The following CSMD3 variants were observed in gnomAD, a reference collection of about 807,000 sequenced individuals.
CSMD3 encodes the protein CUB and Sushi multiple domains 3.
A neutral mutation model predicts 435.2 loss-of-function variants in CSMD3; 177 were observed. That is an observed-to-expected ratio of 0.41 (90% CI 0.36 to 0.46). The LOEUF (loss-of-function observed/expected upper bound fraction) is 0.46, where lower values mean the gene tolerates loss of function less well. Among genes scored for constraint, CSMD3 ranks in the 20% least tolerant of loss-of-function variants. The probability of loss-of-function intolerance (pLI) is 0.34; values close to 1 mark genes in which losing one functional copy is unlikely to be tolerated. For synonymous variants in CSMD3, 1,656 were observed against 1,520.5 expected (o/e 1.09, Z -2.07); for missense variants, 4,265 against 4,504.6 (o/e 0.95, Z 1.52).
chr8:113,433,813 C>A (rs967361239), intron 1 of CSMD3, among the ~76,000 whole-genome samples: 7 of 152,104 alleles, frequency 4.6e-5, no homozygotes, highest in Non-Finnish European at 1.0e-4. Context: ...CTGGGTGAGA[C>A]CTAAACAGAC....
chr8:113,372,112 T>C (rs2094349153), intron 1 of CSMD3, among the ~76,000 whole-genome samples: 1 of 152,178 alleles, frequency 6.6e-6, no homozygotes, highest in Non-Finnish European at 1.5e-5. Context: ...CAAGGCCAGG[T>C]GCAATTTTTA....
chr8:112,604,712 T>C (rs1254163679), intron 22 of CSMD3, among the ~76,000 whole-genome samples: 1 of 152,064 alleles, frequency 6.6e-6, no homozygotes, highest in African/African-American at 2.4e-5. Flanking sequence ...GACATGCCAA[T>C]ACCTAGCTCC....
intron 22 of CSMD3, among the ~76,000 whole-genome samples, chr8:112,589,560 A>G (rs960578453): frequency 3.3e-5 from 5 of 152,214 alleles, no homozygotes; most frequent in African/African-American, 1.2e-4. Context: ...CCCAGCAAAA[A>G]TATCATAACT....
intron 7 of CSMD3, among the ~76,000 whole-genome samples, chr8:112,967,647 C>T (rs1011269271): frequency 9.9e-5 from 15 of 151,830 alleles, no homozygotes; most frequent in South Asian, 6.2e-4. Context: ...ATCCATCTAT[C>T]ATATAGCCTA....
intron 27 of CSMD3, chr8:112,539,349 C>A (rs1303711283): frequency 1.3e-5 from 2 of 151,964 alleles, no homozygotes; most frequent in Non-Finnish European, 2.9e-5. Flanking sequence ...GTAAAACTTG[C>A]CAGAGTTCAT....
rs1347242565 is a variant in CSMD3 at position 112,335,355 on chromosome 8, C to T, written c.7139G>A (p.Ser2380Asn). 3 of 1,613,946 alleles carry T rather than the reference C, an allele frequency of 1.9e-6. No homozygotes were observed. The highest frequency in any genetic ancestry group is 2.5e-6 in the Non-Finnish European group (3 of 1,179,934). The change falls in exon 45 of 71, where the codon AGT (serine) becomes AAT (asparagine). Residue 2380 changes from serine (S) to asparagine (N), a missense_variant. This residue lies in a region of CSMD3 where 3,255 missense variants were observed against 3,380.2 expected (regional missense o/e 0.96). Coordinates refer to ENST00000297405, the MANE Select transcript of CSMD3 (RefSeq NM_198123.2). ...GTGATAACTGAGCACAAAAAAGCCACTTGTTGTGAAATCACTGTGGAATTT... is the reference window on the plus strand; with the variant it reads ...GTGATAACTGAGCACAAAAAAGCCATTTGTTGTGAAATCACTGTGGAATTT... ...LIKFHSDFTT[S>N]GFFVLSYHAY...
At chr8:112,662,199 G>A (rs2075398425) in intron 17 of CSMD3, among the ~76,000 whole-genome samples, 1 of 152,132 alleles carries the variant, frequency 6.6e-6, no homozygotes, top group Non-Finnish European at 1.5e-5. Context: ...AACCAAAAAA[G>A]AGCCCACATT....
intron 3 of CSMD3, among the ~76,000 whole-genome samples, chr8:113,223,408 G>C (rs2092992044): frequency 6.7e-6 from 1 of 150,238 alleles, no homozygotes; most frequent in African/African-American, 2.4e-5. Flanking sequence ...TCGTTTCCTA[G>C]TTTCTTTATT....
At chr8:112,591,770 A>C (rs191182498) in intron 22 of CSMD3, among the ~76,000 whole-genome samples, 18 of 152,208 alleles carry the variant, frequency 1.2e-4, no homozygotes, top group Non-Finnish European at 4.4e-5. Context: ...TTGCTCATAG[A>C]GGATCATAGG....
At chr8:112,804,578 A>G (rs1481746314) in intron 12 of CSMD3, among the ~76,000 whole-genome samples, 5 of 152,262 alleles carry the variant, frequency 3.3e-5, no homozygotes, top group African/African-American at 1.2e-4. Flanking sequence ...AAACTGACAG[A>G]TTGAGGGGAT....
intron 4 of CSMD3, among the ~76,000 whole-genome samples, chr8:113,132,872 A>C (rs534099640): frequency 6.6e-6 from 1 of 152,264 alleles, no homozygotes; most frequent in South Asian, 2.1e-4. Flanking sequence ...ATGAACTGCA[A>C]AATGTATCCT....
At chr8:113,402,826 T>C (rs1340806221) in intron 1 of CSMD3, among the ~76,000 whole-genome samples, 1 of 151,336 alleles carries the variant, frequency 6.6e-6, no homozygotes, top group East Asian at 1.9e-4. Flanking sequence ...CAATAGTAAA[T>C]AATTTATTAG....
At chr8:112,871,447 C>T (rs1040813925) in intron 10 of CSMD3, among the ~76,000 whole-genome samples, 4 of 151,866 alleles carry the variant, frequency 2.6e-5, no homozygotes, top group Non-Finnish European at 5.9e-5. Flanking sequence ...AAAAGATATG[C>T]TGTAAAAAAC....
At chr8:112,304,970 A>G (rs1821286388) in intron 51 of CSMD3, 55 bp from the exon 52 acceptor site, 4 of 1,324,040 alleles carry the variant, frequency 3.0e-6, no homozygotes, top group South Asian at 1.2e-5. Context: ...CTCAACGTCT[A>G]TTCCATTCTT....
chr8:113,431,091 A>G (rs1030763939), intron 1 of CSMD3, among the ~76,000 whole-genome samples: 8 of 152,194 alleles, frequency 5.3e-5, no homozygotes, highest in Admixed American at 2.6e-4. Flanking sequence ...AAGGGGCCCA[A>G]TTCTGAGAAA....
chr8:112,317,655 G>GT (rs1364736972), intron 47 of CSMD3, among the ~76,000 whole-genome samples: 1 of 152,108 alleles, frequency 6.6e-6, no homozygotes, highest in East Asian at 1.9e-4. Context: ...ACTTCAAGAT[G>GT]TCCTAATAGC....
At chr8:113,232,961 T>C (rs1477972257) in intron 3 of CSMD3, among the ~76,000 whole-genome samples, 1 of 151,928 alleles carries the variant, frequency 6.6e-6, no homozygotes, top group Non-Finnish European at 1.5e-5. Flanking sequence ...TCTTCCCTAG[T>C]AATATTTTTA....
chr8:112,943,076 C>A (rs538997864), intron 9 of CSMD3, among the ~76,000 whole-genome samples: 50 of 151,696 alleles, frequency 3.3e-4, no homozygotes, highest in African/African-American at 1.1e-3. Context: ...TCCCTAATTA[C>A]ATATGATAAT....
chr8:113,058,171 T>G (rs2088434603), intron 5 of CSMD3, among the ~76,000 whole-genome samples: 1 of 151,940 alleles, frequency 6.6e-6, no homozygotes, highest in Non-Finnish European at 1.5e-5. Context: ...TTCTTTCAAA[T>G]AAATTTTATT....
Sources: allele counts gnomAD v4.1 joint callset (sites outside exome capture counted in the v4.1 genomes callset), GRCh38; gene constraint gnomAD v4.1.1; regional missense constraint gnomAD v4.1.1; transcripts MANE v1.5; gene names NCBI Gene and HGNC (gene_info 2026-07-23, HGNC 2026-07-21).